VPS26A: variants seen among roughly 807,000 people sequenced by gnomAD.
The protein encoded by VPS26A is vacuolar protein sorting-associated protein 26A.
A neutral mutation model predicts 42.4 loss-of-function variants in VPS26A; 22 were observed. The observed-to-expected ratio is 0.52, with a 90% CI of 0.37 to 0.74. VPS26A has a LOEUF of 0.74. VPS26A is among the 30% of genes least tolerant of loss of function. VPS26A has a pLI of 0.00. For synonymous variants in VPS26A, 110 were observed against 123.5 expected (o/e 0.89, Z 0.73); for missense variants, 276 against 379.2 (o/e 0.73, Z 2.26).
chr10:69,143,384 AT>A (rs1841085328), intron 2 of VPS26A, among the ~76,000 whole-genome samples: 1 of 152,282 alleles, frequency 6.6e-6, no homozygotes, highest in African/African-American at 2.4e-5. Context: ...AATCTTTCAT[AT>A]ATTAGATATT....
intron 1 of VPS26A, among the ~76,000 whole-genome samples, chr10:69,125,753 T>C (rs1564669971): frequency 6.6e-6 from 1 of 152,180 alleles, no homozygotes; most frequent in Non-Finnish European, 1.5e-5. Context: ...TCATTGCTTG[T>C]GTATGGGCTA....
At chr10:69,126,838 C>A (rs1840665775) in intron 1 of VPS26A, among the ~76,000 whole-genome samples, 1 of 151,082 alleles carries the variant, frequency 6.6e-6, no homozygotes, top group East Asian at 1.9e-4. Context: ...CTTTCTCTTT[C>A]AGTTCTTTCT....
chr10:69,145,262 T>A (rs1193977331), intron 2 of VPS26A, among the ~76,000 whole-genome samples: 1 of 152,080 alleles, frequency 6.6e-6, no homozygotes, highest in Non-Finnish European at 1.5e-5. Context: ...CACGAACTCA[T>A]GACCTCAGGT....
chr10:69,165,954 A>C, intron 6 of VPS26A, 88 bp from the exon 7 acceptor site: 1 of 1,326,252 alleles, frequency 7.5e-7, no homozygotes, highest in South Asian at 1.3e-5. Context: ...TCTAAAAAAA[A>C]ATAATGTAGT....
At chr10:69,159,812 T>G (rs1841512996) in intron 5 of VPS26A, among the ~76,000 whole-genome samples, 1 of 152,206 alleles carries the variant, frequency 6.6e-6, no homozygotes, top group Non-Finnish European at 1.5e-5. Context: ...TCACATACTT[T>G]GTTCAAATCA....
chr10:69,141,880 A>G (rs572713899), intron 2 of VPS26A, among the ~76,000 whole-genome samples: 1 of 152,182 alleles, frequency 6.6e-6, no homozygotes, highest in African/African-American at 2.4e-5. Context: ...TCATAATGAT[A>G]CAATGATTCC....
chr10:69,128,612 A>G lies in VPS26A; in HGVS notation c.4-4286A>G, dbSNP rs543917925. Among the ~76,000 whole-genome samples, 4 of 152,068 alleles carry G rather than the reference A, an allele frequency of 2.6e-5. No homozygotes were observed. The East Asian group carries it at 5.8e-4, about 22-fold the overall frequency. On this transcript the variant is annotated intron_variant, in intron 1 of 8. Coordinates refer to ENST00000263559, the MANE Select transcript of VPS26A (RefSeq NM_004896.5). ...TATGCATGTGGAAAAAAGTTATAATATTTCCTTTTCTCTGTAAAACAATTT... is the reference window on the plus strand; with the variant it reads ...TATGCATGTGGAAAAAAGTTATAATGTTTCCTTTTCTCTGTAAAACAATTT...
chr10:69,165,945 C>T, intron 6 of VPS26A, 97 bp from the exon 7 acceptor site: 1 of 1,232,432 alleles, frequency 8.1e-7, no homozygotes, highest in Non-Finnish European at 1.1e-6. Context: ...GACACCGTCT[C>T]TAAAAAAAAA....
chr10:69,155,485 T>A (rs1487520993), intron 2 of VPS26A, among the ~76,000 whole-genome samples: 4 of 152,208 alleles, frequency 2.6e-5, no homozygotes, highest in Non-Finnish European at 4.4e-5. Flanking sequence ...AGTCATAGAA[T>A]TAACTGTTTG....
chr10:69,165,732 T>G (rs1385624355), intron 6 of VPS26A, among the ~76,000 whole-genome samples: 6 of 151,872 alleles, frequency 4.0e-5, no homozygotes, highest in African/African-American at 1.2e-4. Flanking sequence ...ATTGCTTGAG[T>G]TCAGGAGTTT....
In VPS26A at chr10:69,131,353, C is replaced by T. The variant is rs562622075; in HGVS notation, c.4-1545C>T. On this transcript the variant is annotated intron_variant, in intron 1 of 8. Coordinates refer to ENST00000263559, the MANE Select transcript of VPS26A (RefSeq NM_004896.5). ...CCATAATCCCAACACTTTGGGAGGCCGAGGCAGGAGGATTGCTTGAGCCCA... is the reference window on the plus strand; with the variant it reads ...CCATAATCCCAACACTTTGGGAGGCTGAGGCAGGAGGATTGCTTGAGCCCA... Among the ~76,000 whole-genome samples, 32 of 152,228 alleles carry T rather than the reference C, an allele frequency of 2.1e-4. No individual in the cohort carries two copies. The East Asian group carries it at 2.9e-3, about 14-fold the overall frequency.
intron 1 of VPS26A, 103 bp from the exon 2 acceptor site, chr10:69,132,795 T>A: frequency 8.6e-7 from 1 of 1,156,390 alleles, no homozygotes; most frequent in Non-Finnish European, 1.2e-6. Context: ...AACTCACAGA[T>A]TTGCAGTCTA....
Position 69,157,166 on chromosome 10 carries a change from ATGAAT to A in VPS26A, c.386+4_386+8del. 1 of 1,610,118 alleles carries A rather than the reference ATGAAT, an allele frequency of 6.2e-7. No individual in the cohort carries two copies. Among genetic ancestry groups the A allele is most frequent in the Middle Eastern group, 1.7e-4 (1 of 6,040 alleles). On this transcript the variant is annotated splice_donor_5th_base_variant and intron_variant, in intron 4 of 8. Coordinates refer to ENST00000263559, the MANE Select transcript of VPS26A (RefSeq NM_004896.5). ...ATCGGTGCCAATGTCCGCTTGAGGT[ATGAAT>A]GTGTATTATAAACTGTAAACAGAAT...
intron 8 of VPS26A, among the ~76,000 whole-genome samples, chr10:69,169,725 C>T (rs1841775217): frequency 1.3e-5 from 2 of 152,082 alleles, no homozygotes; most frequent in African/African-American, 2.4e-5. Context: ...TCTTCCGCCT[C>T]AGCCTCCCGA....
chr10:69,125,767 G>C (rs1328945412), intron 1 of VPS26A, among the ~76,000 whole-genome samples: 1 of 152,160 alleles, frequency 6.6e-6, no homozygotes. Flanking sequence ...TGGGCTAAGT[G>C]AATGAATTTT....
At chr10:69,145,471 C>T (rs1841136276) in intron 2 of VPS26A, among the ~76,000 whole-genome samples, 1 of 152,068 alleles carries the variant, frequency 6.6e-6, no homozygotes, top group Non-Finnish European at 1.5e-5. Flanking sequence ...AGGATGTATA[C>T]TGAAAAAGCC....
chr10:69,151,282 A>AAAAAAAAAAAAAAAAACACAC (rs71035063), intron 2 of VPS26A, among the ~76,000 whole-genome samples: 3 of 136,774 alleles, frequency 2.2e-5, no homozygotes, highest in African/African-American at 1.0e-4. Flanking sequence ...AAAAAAAAAA[A>AAAAAAAAAAAAAAAAACACAC]ACACACACAC....
intron 2 of VPS26A, among the ~76,000 whole-genome samples, chr10:69,142,235 A>G (rs1841060661): frequency 1.7e-5 from 2 of 119,266 alleles, no homozygotes; most frequent in Non-Finnish European, 3.2e-5. Flanking sequence ...GCCCAGGCTG[A>G]GTGTAGTGTC....
chr10:69,133,868 G>A (rs567716060), intron 2 of VPS26A, among the ~76,000 whole-genome samples: 6 of 151,982 alleles, frequency 3.9e-5, no homozygotes, highest in African/African-American at 1.4e-4. Context: ...TAATTTTTTT[G>A]TAGAGATGGG....
Sources: gnomAD v4.1 joint callset for allele counts (sites outside exome capture counted in the v4.1 genomes callset) on GRCh38, gnomAD v4.1.1 for gene constraint, MANE v1.5 for transcripts, NCBI Gene and HGNC (gene_info 2026-07-23, HGNC 2026-07-21) for gene names.